PDE9A: variants seen among roughly 807,000 people sequenced by gnomAD.
The protein encoded by PDE9A is high affinity cGMP-specific 3',5'-cyclic phosphodiesterase 9A.
A neutral mutation model predicts 87.4 loss-of-function variants in PDE9A; 60 were observed. That is an observed-to-expected ratio of 0.69 (90% confidence interval 0.56 to 0.85). The LOEUF is 0.85. Among genes scored for constraint, PDE9A ranks in the 40% least tolerant of loss-of-function variants. The pLI is 0.00. For missense variants in PDE9A, 665 were observed against 779.0 expected (o/e 0.85, Z 1.74); for synonymous variants, 272 against 279.4 (o/e 0.97, Z 0.27).
chr21:42,769,294 G>C, intron 17 of PDE9A, 139 bp downstream of exon 17: 2 of 746,552 alleles, frequency 2.7e-6, no homozygotes, highest in Admixed American at 2.6e-5. Flanking sequence ...GATACACACA[G>C]ACGCACATAC....
chr21:42,695,599 G>T lies in PDE9A; in HGVS notation c.219-3369G>T, dbSNP rs1289066286. On this transcript the variant is annotated intron_variant, in intron 3 of 19. Transcript: ENST00000291539. This position sits in a 1 kb window ranked among gnomAD's most constrained non-coding sequence, Gnocchi z 4.3. ...TCTCCACCGGCTGAGCTCTGTGCATGCAGGGCCAGTATTCTCGGCCATTCT... is the reference window on the plus strand; with the variant it reads ...TCTCCACCGGCTGAGCTCTGTGCATTCAGGGCCAGTATTCTCGGCCATTCT... Among the ~76,000 whole-genome samples the T allele has an allele frequency of 6.6e-6, 1 of 152,236 alleles. No individual in the cohort carries two copies. The highest frequency in any genetic ancestry group is 6.5e-5 in the Admixed American group (1 of 15,280).
chr21:42,724,515 T>A, intron 4 of PDE9A: 1 of 805,232 alleles, frequency 1.2e-6, no homozygotes, highest in South Asian at 5.6e-5. Context: ...TGGGTGTGGT[T>A]GGCCTTTGTG....
chr21:42,677,578 C>T (rs1232756908), intron 1 of PDE9A, among the ~76,000 whole-genome samples: 4 of 152,164 alleles, frequency 2.6e-5, no homozygotes, highest in Non-Finnish European at 5.9e-5. Flanking sequence ...TCTTTTGTGA[C>T]GGTGCTGCTG....
chr21:42,694,245 T>TCCACTTCTGA lies in PDE9A; in HGVS notation c.219-4722_219-4713dup, dbSNP rs2060029452. 1.3e-5 allele frequency among the ~76,000 whole-genome samples: 2 copies of TCCACTTCTGA among 152,204 alleles called. No individual in the cohort carries two copies. Among genetic ancestry groups the TCCACTTCTGA allele is most frequent in the South Asian group, 4.2e-4 (2 of 4,816 alleles). ...TGGGTTGTGTCTCTCTTTAACTTCC[T>TCCACTTCTGA]CCACTTCTGAAGTCACCTGCAGTGA... On this transcript the variant is annotated intron_variant, in intron 3 of 19. Transcript: ENST00000291539. This position sits in a 1 kb window ranked among gnomAD's most constrained non-coding sequence, Gnocchi z 5.3.
At chr21:42,685,580 G>A (rs911027217) in intron 1 of PDE9A, among the ~76,000 whole-genome samples, 2 of 149,966 alleles carry the variant, frequency 1.3e-5, no homozygotes, top group Non-Finnish European at 3.0e-5. Context: ...GATTCTCCCG[G>A]CTCAGCCTCC....
intron 4 of PDE9A, among the ~76,000 whole-genome samples, chr21:42,706,323 G>C (rs1487052250): frequency 1.3e-5 from 2 of 152,196 alleles, no homozygotes; most frequent in Non-Finnish European, 2.9e-5. Flanking sequence ...AGATGTCATT[G>C]ATATAACATA....
intron 3 of PDE9A, among the ~76,000 whole-genome samples, chr21:42,693,630 T>C (rs184610264): frequency 1.2e-3 from 176 of 146,260 alleles, no homozygotes; most frequent in Admixed American, 4.6e-3. Flanking sequence ...TTCACTCTTA[T>C]TGCCCAGGCT....
In PDE9A at chr21:42,696,779, T is replaced by C. The variant is rs1233462606; in HGVS notation, c.219-2189T>C. On this transcript the variant is annotated intron_variant, in intron 3 of 19. Transcript: ENST00000291539. The surrounding 1 kb of genome is among the most constrained non-coding windows in gnomAD (Gnocchi z 5.1). ...CTTGGGCTCTGGGTCTGTAAGGCAG[T>C]GAGGCTGAGGTTCCTGGGACAGCTG... Among the ~76,000 whole-genome samples, 4 of 152,080 alleles carry C rather than the reference T, an allele frequency of 2.6e-5. No homozygotes were observed. The highest frequency in any genetic ancestry group is 4.4e-5 in the Non-Finnish European group (3 of 68,010).
intron 19 of PDE9A, among the ~76,000 whole-genome samples, chr21:42,773,231 C>A: frequency 7.2e-6 from 1 of 138,154 alleles, no homozygotes. Context: ...CACTGCCCTC[C>A]AGCCTGGAGA....
chr21:42,670,218 C>G (rs1032747910), intron 1 of PDE9A, among the ~76,000 whole-genome samples: 1 of 121,342 alleles, frequency 8.2e-6, no homozygotes, highest in Admixed American at 7.4e-5. Context: ...CTTACATTCA[C>G]ACACATACAC....
At position 42,770,925 on chromosome 21, in the gene PDE9A, G is replaced by A. The variant is rs1019399542; in HGVS notation, c.1686+127G>A. 7.0e-5 allele frequency: 46 copies of A among 655,674 alleles called. 1 individual carries two copies. The highest frequency in any genetic ancestry group is 4.5e-4 in the South Asian group (26 of 57,454). The allele number at this position is 655,674 out of a possible 1,614,324, so 40.6% of individuals were successfully genotyped here. A position where few individuals can be genotyped will look rare whatever the true frequency, so the allele number is the denominator to read the frequency against. ...CTGAAGGCCCCGTGGACAGGCACAC[G>A]TGTACCTTCCATCAGAAAGCCTGGC... On this transcript the variant is annotated intron_variant, in intron 18 of 19. Transcript: ENST00000291539.
Position 42,770,766 on chromosome 21 carries a change from G to T in PDE9A, c.1654G>T (p.Glu552Ter). 6.2e-7 allele frequency: 1 copy of T among 1,614,086 alleles called. No individual in the cohort carries two copies. Among genetic ancestry groups the T allele is most frequent in the Non-Finnish European group, 8.5e-7 (1 of 1,179,928 alleles). ...TTGGGAATCCCGAGATCGCTACGAG[G>T]AGCTGAAGCGGATAGATGACGCCAT... ...PLWESRDRYEELKRIDDAMKE... is the reference protein window; with the variant it reads ...PLWESRDRYE Residue 552 changes from glutamate (E) to a stop codon, truncating the protein, a stop_gained, in exon 18 of 20, where the codon GAG (glutamate) becomes TAG (stop). Coordinates refer to ENST00000291539, the MANE Select transcript of PDE9A (RefSeq NM_002606.3). LOFTEE classifies it high-confidence loss of function.
chr21:42,661,528 C>T (rs1330582733), intron 1 of PDE9A, among the ~76,000 whole-genome samples: 1 of 152,016 alleles, frequency 6.6e-6, no homozygotes, highest in Non-Finnish European at 1.5e-5. Context: ...TCGGATCATG[C>T]CCTCAGGTGC....
chr21:42,730,114 C>G (rs563767838), intron 4 of PDE9A, among the ~76,000 whole-genome samples: 1 of 152,114 alleles, frequency 6.6e-6, no homozygotes, highest in African/African-American at 2.4e-5. Flanking sequence ...TGATCTAAAC[C>G]CCTGCTGAGT....
At chr21:42,769,576 A>G (rs1281026066) in intron 17 of PDE9A, among the ~76,000 whole-genome samples, 181 of 108,396 alleles carry the variant, frequency 1.7e-3, no homozygotes, top group African/African-American at 6.6e-3. Flanking sequence ...ACACACACAC[A>G]TGCACACAGG....
intron 1 of PDE9A, among the ~76,000 whole-genome samples, chr21:42,668,898 A>ACCCCCCCCCCCC (rs375148519): frequency 7.6e-5 from 8 of 104,852 alleles, no homozygotes; most frequent in East Asian, 3.4e-4. Context: ...TGCTCCCTCC[A>ACCCCCCCCCCCC]CCCCCCGCCA....
chr21:42,676,342 T>A (rs1192256546), intron 1 of PDE9A, among the ~76,000 whole-genome samples: 2 of 152,196 alleles, frequency 1.3e-5, no homozygotes, highest in Non-Finnish European at 2.9e-5. Context: ...ACAACCACAG[T>A]CACAGTCTAG....
rs568998861 is a variant in PDE9A, at chr21:42,748,485, G to A, written c.654-2631G>A. ...CACGGGGAAGAGACGGCAGCATGCC[G>A]AGAAAATAACACCGAAGCCTCTTTT... On this transcript the variant is annotated intron_variant, in intron 8 of 19. Coordinates refer to ENST00000291539, the MANE Select transcript of PDE9A (RefSeq NM_002606.3). 1.8e-3 allele frequency among the ~76,000 whole-genome samples: 271 copies of A among 152,346 alleles called. 1 individual carries two copies. The highest frequency in any genetic ancestry group is 1.9e-3 in the Non-Finnish European group (130 of 68,044).
rs746415649 is a variant in PDE9A at position 42,731,778 on chromosome 21, G to A, written c.271G>A (p.Glu91Lys). The A allele has an allele frequency of 7.4e-6, 12 of 1,612,030 alleles. No homozygotes were observed. The highest frequency in any genetic ancestry group is 4.4e-5 in the South Asian group (4 of 90,774). ...CTGCCTGCTTTTTATAGCTGGTGTCGAGGACAAGAGAACCACAAGCCGTGG... is the reference window on the plus strand; with the variant it reads ...CTGCCTGCTTTTTATAGCTGGTGTCAAGGACAAGAGAACCACAAGCCGTGG... The part of the protein sequence containing the change: ...VAIKQLSAGV[E>K]DKRTTSRGQS... Residue 91 changes from glutamate (E) to lysine (K), a missense_variant, in exon 5 of 20, where the codon GAG (glutamate) becomes AAG (lysine). Glu to Lys is a moderately conservative substitution (Grantham distance 56, BLOSUM62 1). Transcript: ENST00000291539.
Sources: gnomAD v4.1 joint callset for allele counts (sites outside exome capture counted in the v4.1 genomes callset) on GRCh38, gnomAD v4.1.1 for gene constraint, Gnocchi (gnomAD v3.1) non-coding constraint, MANE v1.5 for transcripts, NCBI Gene and HGNC (gene_info 2026-07-23, HGNC 2026-07-21) for gene names.